The following PTPRJ variants were observed in gnomAD, a reference collection of about 807,000 sequenced individuals.
PTPRJ encodes protein tyrosine phosphatase receptor type J, also known as receptor-type tyrosine-protein phosphatase eta.
In PTPRJ, 129 loss-of-function variants were observed where a neutral mutation model predicts 141.3. That is an observed-to-expected ratio of 0.91 (90% confidence interval 0.79 to 1.06). The LOEUF (loss-of-function observed/expected upper bound fraction) is 1.06, where lower values mean the gene tolerates loss of function less well. Among genes scored for constraint, PTPRJ ranks in the 50% least tolerant of loss-of-function variants. The pLI, the probability that PTPRJ is intolerant of heterozygous loss-of-function variation, is 0.00. For synonymous variants in PTPRJ, 610 were observed against 640.5 expected (o/e 0.95, Z 0.72); for missense variants, 1,601 against 1,679.7 (o/e 0.95, Z 0.82).
At chr11:48,065,313 CA>C (rs1453039571) in intron 1 of PTPRJ, among the ~76,000 whole-genome samples, 1 of 152,038 alleles carries the variant, frequency 6.6e-6, no homozygotes, top group Non-Finnish European at 1.5e-5. Flanking sequence ...TGCGCCTGGC[CA>C]ACTGCTTTGG....
chr11:48,137,390 T>C (rs1181377252), intron 10 of PTPRJ, 109 bp downstream of exon 10: 1 of 1,266,386 alleles, frequency 7.9e-7, no homozygotes, highest in Non-Finnish European at 1.1e-6. Context: ...TGTGCAGTGA[T>C]GGACATTGAG....
chr11:48,031,825 C>T (rs1853993252), intron 1 of PTPRJ, among the ~76,000 whole-genome samples: 1 of 152,174 alleles, frequency 6.6e-6, no homozygotes, highest in African/African-American at 2.4e-5. Context: ...GAATGCAAGC[C>T]ACTAACCCAT....
intron 10 of PTPRJ, among the ~76,000 whole-genome samples, chr11:48,137,758 G>A (rs991467326): frequency 6.6e-5 from 10 of 152,144 alleles, no homozygotes; most frequent in African/African-American, 2.2e-4. Flanking sequence ...AGGAACAGGA[G>A]GATATAGGTG....
chr11:48,118,191 T>C (rs1042660959), intron 3 of PTPRJ, among the ~76,000 whole-genome samples: 3 of 152,202 alleles, frequency 2.0e-5, no homozygotes, highest in African/African-American at 7.2e-5. Flanking sequence ...GAAATGATCC[T>C]TCTGCCTTAG....
chr11:48,140,753 C>T (rs7124275), intron 11 of PTPRJ, among the ~76,000 whole-genome samples: 89,180 of 152,050 alleles, frequency 0.59, 26,991 homozygotes, highest in Admixed American at 0.66. Flanking sequence ...AAGGAATAGC[C>T]GAAATTGGTA....
chr11:48,133,152 C>T (rs1857018579), intron 8 of PTPRJ, among the ~76,000 whole-genome samples: 3 of 152,176 alleles, frequency 2.0e-5, no homozygotes, highest in South Asian at 2.1e-4. Flanking sequence ...TTCTGTCTTA[C>T]AGAGTAAGAA....
chr11:48,029,824 A>G (rs1853932060), intron 1 of PTPRJ, among the ~76,000 whole-genome samples: 1 of 152,210 alleles, frequency 6.6e-6, no homozygotes, highest in Non-Finnish European at 1.5e-5. Context: ...TAGCTGCGTA[A>G]GAGAAAGAAG....
intron 23 of PTPRJ, 120 bp from the exon 24 acceptor site, chr11:48,164,260 G>A (rs1857857166): frequency 3.2e-6 from 4 of 1,267,466 alleles, no homozygotes; most frequent in Non-Finnish European, 3.3e-6. Context: ...TACTGATCCT[G>A]TGCATTGCCC....
chr11:48,091,166 T>C (rs1422582894), intron 1 of PTPRJ, among the ~76,000 whole-genome samples: 1 of 152,150 alleles, frequency 6.6e-6, no homozygotes, highest in African/African-American at 2.4e-5. Flanking sequence ...GTTAGGAGCC[T>C]CTGTGCCTTG....
intron 1 of PTPRJ, among the ~76,000 whole-genome samples, chr11:48,101,484 A>T (rs190029093): frequency 3.9e-5 from 6 of 152,338 alleles, no homozygotes; most frequent in Non-Finnish European, 7.3e-5. Context: ...TGAGCCTGTG[A>T]TAGGGCTAAC....
Position 48,106,763 on chromosome 11 carries a change from CTT to C in PTPRJ, c.97-3273_97-3272del, listed in dbSNP as rs35643138. ...CTTCTTTTCTTTTCTTTCTTTCTTT[CTT>C]TTTTTTTTTTTTTTTTTTTTTAAGA... is the stretch of plus-strand genomic sequence containing the variant. On this transcript the variant is annotated intron_variant, in intron 1 of 24. Transcript: ENST00000418331. Among the ~76,000 whole-genome samples, 808 of 86,382 alleles carry C rather than the reference CTT, an allele frequency of 9.4e-3. 5 individuals carry two copies. Among genetic ancestry groups the C allele is most frequent in the African/African-American group, 0.031 (713 of 22,916 alleles). The allele number at this position is 86,382 out of a possible 152,430, so 56.7% of individuals were successfully genotyped here.
intron 1 of PTPRJ, among the ~76,000 whole-genome samples, chr11:48,025,365 G>A (rs987329590): frequency 3.3e-5 from 5 of 152,150 alleles, no homozygotes; most frequent in African/African-American, 1.2e-4. Flanking sequence ...GTTAAGTGAT[G>A]TCCCCTAATT....
intron 1 of PTPRJ, among the ~76,000 whole-genome samples, chr11:48,081,277 C>A (rs1855551421): frequency 6.6e-6 from 1 of 152,234 alleles, no homozygotes; most frequent in Non-Finnish European, 1.5e-5. Context: ...GGATGTGGGC[C>A]AGTTCTCAGC....
At chr11:48,030,515 G>A (rs561331046) in intron 1 of PTPRJ, among the ~76,000 whole-genome samples, 6 of 152,174 alleles carry the variant, frequency 3.9e-5, no homozygotes, top group South Asian at 2.1e-4. Flanking sequence ...AGCTGGGCGC[G>A]GTGGGTCACC....
chr11:48,059,687 C>T (rs1366338493), intron 1 of PTPRJ, among the ~76,000 whole-genome samples: 2 of 152,208 alleles, frequency 1.3e-5, no homozygotes, highest in African/African-American at 4.8e-5. Context: ...CAAGGTAGTG[C>T]ACACTTCCAT....
chr11:48,078,139 A>C (rs1261645483), intron 1 of PTPRJ, among the ~76,000 whole-genome samples: 1 of 151,250 alleles, frequency 6.6e-6, no homozygotes, highest in Non-Finnish European at 1.5e-5. Flanking sequence ...GCTCACTGCA[A>C]CCTCTGCCGC....
chr11:48,036,593 G>A (rs1459158623), intron 1 of PTPRJ, among the ~76,000 whole-genome samples: 4 of 152,064 alleles, frequency 2.6e-5, no homozygotes, highest in African/African-American at 9.7e-5. Context: ...CACCATTTTG[G>A]GATGTTTAGG....
At chr11:48,047,059 G>A (rs923325130) in intron 1 of PTPRJ, among the ~76,000 whole-genome samples, 1 of 151,152 alleles carries the variant, frequency 6.6e-6, no homozygotes, top group Non-Finnish European at 1.5e-5. Flanking sequence ...GGGATTACAG[G>A]TGCGCACCAC....
At chr11:48,054,448 CT>C (rs149325594) in intron 1 of PTPRJ, among the ~76,000 whole-genome samples, 3,535 of 152,314 alleles carry the variant, frequency 0.023, 141 homozygotes, top group African/African-American at 0.081. Flanking sequence ...CTTAGCTCCT[CT>C]TATGTGCCAA....
Sources: allele counts gnomAD v4.1 joint callset (sites outside exome capture counted in the v4.1 genomes callset), GRCh38; gene constraint gnomAD v4.1.1; transcripts MANE v1.5; gene names NCBI Gene and HGNC (gene_info 2026-07-23, HGNC 2026-07-21).